Variants in GABRG3 observed in about 807,000 individuals in gnomAD.
GABRG3 encodes the protein gamma-aminobutyric acid type A receptor subunit gamma3, also known as gamma-aminobutyric acid receptor subunit gamma-3.
Under a neutral mutation model 48.8 loss-of-function variants are expected in GABRG3, and 25 were observed. The ratio of observed to expected loss-of-function variants is 0.51; its 90% CI spans 0.37 to 0.72. The LOEUF (loss-of-function observed/expected upper bound fraction) is 0.72, where lower values mean the gene tolerates loss of function less well. GABRG3 is among the 30% of genes least tolerant of loss of function. GABRG3 has a pLI of 0.00. For missense variants in GABRG3, 394 were observed against 577.9 expected (o/e 0.68, Z 3.26); for synonymous variants, 227 against 217.6 (o/e 1.04, Z -0.38).
rs1418611252 is a variant in GABRG3 at position 27,520,443 on chromosome 15, C to T, written c.865+319C>T. On this transcript the variant is annotated intron_variant, in intron 7 of 9. Coordinates refer to ENST00000615808, the MANE Select transcript of GABRG3 (RefSeq NM_033223.5). Reference sequence around the variant, plus strand: ...ACCTGTCAACTCAAAAGTCCCCATACGTTAATGTCAGGAAACAGAATTTGC... The same window carrying T: ...ACCTGTCAACTCAAAAGTCCCCATATGTTAATGTCAGGAAACAGAATTTGC... Among the ~76,000 whole-genome samples, 6 of 151,332 alleles carry T rather than the reference C, an allele frequency of 4.0e-5. 1 individual carries two copies. The East Asian group carries it at 7.9e-4, about 20-fold the overall frequency.
At chr15:27,184,882 T>A (rs1888043942) in intron 3 of GABRG3, among the ~76,000 whole-genome samples, 1 of 152,292 alleles carries the variant, frequency 6.6e-6, no homozygotes, top group East Asian at 1.9e-4. Flanking sequence ...TGTAGCAAGA[T>A]CCTGTGGTTC....
intron 3 of GABRG3, among the ~76,000 whole-genome samples, chr15:27,082,268 C>CTGAAAAGCCACCCAATTTCACA (rs1897004102): frequency 6.6e-6 from 1 of 152,162 alleles, no homozygotes; most frequent in Non-Finnish European, 1.5e-5. Context: ...GACCTCTGAC[C>CTGAAAAGCCACCCAATTTCACA]TGAAAAGCCA....
chr15:27,296,913 G>A (rs551229122), intron 3 of GABRG3, among the ~76,000 whole-genome samples: 11 of 150,824 alleles, frequency 7.3e-5, no homozygotes, highest in African/African-American at 2.2e-4. Flanking sequence ...AGAAGAAGGC[G>A]CTGTTATCGT....
intron 3 of GABRG3, among the ~76,000 whole-genome samples, chr15:27,042,119 A>G (rs910742292): frequency 6.6e-5 from 10 of 152,200 alleles, no homozygotes; most frequent in Admixed American, 2.0e-4. Flanking sequence ...GTGTGAGGAC[A>G]CAGGATACTG....
intron 3 of GABRG3, among the ~76,000 whole-genome samples, chr15:27,136,687 A>G (rs949483034): frequency 2.0e-5 from 3 of 152,174 alleles, no homozygotes; most frequent in Non-Finnish European, 2.9e-5. Context: ...GCATTTCCCA[A>G]TTATGTTATC....
intron 5 of GABRG3, among the ~76,000 whole-genome samples, chr15:27,451,448 C>G (rs983848473): frequency 6.6e-6 from 1 of 152,112 alleles, no homozygotes; most frequent in Non-Finnish European, 1.5e-5. Flanking sequence ...AAAGGACAGT[C>G]TCTTCAATAA....
chr15:27,043,068 C>T (rs1043634523), intron 3 of GABRG3, among the ~76,000 whole-genome samples: 3 of 152,166 alleles, frequency 2.0e-5, no homozygotes, highest in Admixed American at 6.5e-5. Context: ...CTAACTTGCT[C>T]GTGCTCCTTC....
At chr15:27,422,081 A>G (rs1888136215) in intron 5 of GABRG3, among the ~76,000 whole-genome samples, 2 of 150,440 alleles carry the variant, frequency 1.3e-5, no homozygotes, top group South Asian at 4.2e-4. Flanking sequence ...ATATCCACCA[A>G]TACTGAGTGT....
At chr15:27,035,194 C>T (rs1896155264) in intron 3 of GABRG3, among the ~76,000 whole-genome samples, 1 of 152,232 alleles carries the variant, frequency 6.6e-6, no homozygotes, top group Admixed American at 6.5e-5. Context: ...TAAACTCACA[C>T]TCTGTGTCCT....
At chr15:27,506,348 G>A (rs529317606) in intron 6 of GABRG3, among the ~76,000 whole-genome samples, 1 of 152,262 alleles carries the variant, frequency 6.6e-6, no homozygotes, top group Non-Finnish European at 1.5e-5. Flanking sequence ...GGAGTCTTCT[G>A]TGACTGGTTC....
Position 27,506,136 on chromosome 15 carries a change from C to G in GABRG3, c.713-13836C>G, listed in dbSNP as rs181960800. ...TTGTGTCTTATCTCTTTCTCTTGCTCGGACTGTCTAGAGGTTTATCAGTTG... is the reference window on the plus strand; with the variant it reads ...TTGTGTCTTATCTCTTTCTCTTGCTGGGACTGTCTAGAGGTTTATCAGTTG... On this transcript the variant is annotated intron_variant, in intron 6 of 9. Coordinates refer to ENST00000615808, the MANE Select transcript of GABRG3 (RefSeq NM_033223.5). Among the ~76,000 whole-genome samples the G allele has an allele frequency of 2.0e-3, 304 of 152,228 alleles. 4 individuals are homozygous for G. Among genetic ancestry groups the G allele is most frequent in the East Asian group, 9.7e-3 (50 of 5,172 alleles).
intron 3 of GABRG3, among the ~76,000 whole-genome samples, chr15:27,308,052 A>G (rs926121249): frequency 3.1e-5 from 4 of 127,486 alleles, no homozygotes; most frequent in Admixed American, 8.4e-5. Flanking sequence ...TGTATATAAT[A>G]TAAACATATA....
chr15:27,252,588 A>ATTTT (rs1890494818), intron 3 of GABRG3, among the ~76,000 whole-genome samples: 1 of 152,184 alleles, frequency 6.6e-6, no homozygotes, highest in African/African-American at 2.4e-5. Flanking sequence ...AGCTTCCTTA[A>ATTTT]ACCTCAGGTT....
intron 3 of GABRG3, among the ~76,000 whole-genome samples, chr15:27,133,489 T>C (rs1897956685): frequency 6.6e-6 from 1 of 152,212 alleles, no homozygotes. Context: ...TGTGGATTAC[T>C]TATGGCTCAA....
intron 4 of GABRG3, among the ~76,000 whole-genome samples, chr15:27,328,229 A>G (rs1253882228): frequency 6.6e-6 from 1 of 152,116 alleles, no homozygotes; most frequent in Non-Finnish European, 1.5e-5. Context: ...AAAGCCATAC[A>G]CCGGAGACTC....
At chr15:27,208,438 C>T in intron 3 of GABRG3, 1 of 202,348 alleles carries the variant, frequency 4.9e-6, no homozygotes, top group Non-Finnish European at 1.1e-5. Flanking sequence ...GCATGAAAGA[C>T]CTGCCCTCAG....
At chr15:27,499,088 C>T (rs938657778) in intron 6 of GABRG3, among the ~76,000 whole-genome samples, 1 of 152,146 alleles carries the variant, frequency 6.6e-6, no homozygotes, top group Non-Finnish European at 1.5e-5. Context: ...GTGTTTTCGG[C>T]ATCCCAAGAT....
At chr15:27,065,225 G>A (rs1371589215) in intron 3 of GABRG3, among the ~76,000 whole-genome samples, 1 of 152,212 alleles carries the variant, frequency 6.6e-6, no homozygotes. Context: ...TGAATACTAA[G>A]TGAACAAATG....
At chr15:27,204,243 T>C (rs566692851) in intron 3 of GABRG3, among the ~76,000 whole-genome samples, 1 of 152,230 alleles carries the variant, frequency 6.6e-6, no homozygotes, top group South Asian at 2.1e-4. Context: ...AACAAAGGGG[T>C]CCAGTTTCAA....
Sources: allele counts gnomAD v4.1 joint callset (sites outside exome capture counted in the v4.1 genomes callset), GRCh38; gene constraint gnomAD v4.1.1; transcripts MANE v1.5; gene names NCBI Gene and HGNC (gene_info 2026-07-23, HGNC 2026-07-21).